NFIB: variants seen among roughly 807,000 people sequenced by gnomAD.
NFIB encodes the protein nuclear factor I B.
In NFIB, 11 loss-of-function variants were observed where a neutral mutation model predicts 61.5. The ratio of observed to expected loss-of-function variants is 0.18; its 90% CI spans 0.11 to 0.30. The LOEUF is 0.30. Ranked by LOEUF, NFIB falls within the 10% of genes least tolerant of loss-of-function variation. The pLI is 1.00. For synonymous variants in NFIB, 260 were observed against 216.5 expected, an observed-to-expected ratio of 1.20 and a Z score of -1.76; for missense variants, 471 against 608.9, an observed-to-expected ratio of 0.77 and a Z score of 2.38.
chr9:14,442,069 A>G, the NFIB span, among the ~76,000 whole-genome samples: 1 of 152,192 alleles, frequency 6.6e-6, no homozygotes, highest in Non-Finnish European at 1.5e-5. Context: ...TCATCATACC[A>G]AGGTGCAGAG....
chr9:14,330,032 C>G (rs2060803141), intron 1 of NFIB, among the ~76,000 whole-genome samples: 1 of 151,954 alleles, frequency 6.6e-6, no homozygotes. Context: ...GAAGCTGAGG[C>G]AGGAGAATCA....
At chr9:14,497,808 A>T in the NFIB span, among the ~76,000 whole-genome samples, 1 of 152,216 alleles carries the variant, frequency 6.6e-6, no homozygotes, top group Admixed American at 6.5e-5. Flanking sequence ...GCTTGCAGGA[A>T]GAGTGAGGGT....
the NFIB span, among the ~76,000 whole-genome samples, chr9:14,512,103 G>T: frequency 6.6e-6 from 1 of 152,146 alleles, no homozygotes; most frequent in Admixed American, 6.6e-5. Flanking sequence ...TTACTATTGT[G>T]AATGGAATTC....
Position 14,286,187 on chromosome 9 carries a change from T to G in NFIB, c.562+20802A>C, listed in dbSNP as rs138761888. Among the ~76,000 whole-genome samples the G allele has an allele frequency of 3.2e-4, 49 of 152,318 alleles. 2 individuals are homozygous for G. The East Asian group carries it at 9.5e-3, about 29-fold the overall frequency. On this transcript the variant is annotated intron_variant, in intron 2 of 10. Coordinates refer to ENST00000380953, the MANE Select transcript of NFIB (RefSeq NM_001190737.2). The stretch of plus-strand genomic sequence containing the variant: ...TTCTATTATTCTTTAATTTGTTCCA[T>G]TAAGTGCAATCATCTTCAGGAAGCC...
chr9:14,531,687 T>TTA, the NFIB span, among the ~76,000 whole-genome samples: 5 of 144,458 alleles, frequency 3.5e-5, no homozygotes, highest in Non-Finnish European at 6.0e-5. Context: ...CATTTTTCTT[T>TTA]AAAAAAAAAA....
chr9:14,138,378 T>C (rs1047484052), intron 6 of NFIB, among the ~76,000 whole-genome samples: 1 of 152,100 alleles, frequency 6.6e-6, no homozygotes, highest in African/African-American at 2.4e-5. Context: ...ATAATCAGTG[T>C]AGGCTAAAAA....
chr9:14,162,436 T>A (rs2044309881), intron 3 of NFIB, among the ~76,000 whole-genome samples: 1 of 152,132 alleles, frequency 6.6e-6, no homozygotes, highest in East Asian at 1.9e-4. Context: ...GATTTAATTA[T>A]CTTTGCTCAT....
At position 14,140,162 on chromosome 9, in the gene NFIB, C is replaced by A. The variant is rs181724648; in HGVS notation, c.925+6527G>T. 2.4e-4 allele frequency among the ~76,000 whole-genome samples: 37 copies of A among 152,274 alleles called. No homozygotes were observed. In the East Asian group the frequency reaches 7.1e-3, roughly 29 times the overall value. ...AGGAATATAAGGAATTGTTGGTGTT[C>A]TATTTGGTCCCCAAAGAGAACTTTA... On this transcript the variant is annotated intron_variant, in intron 6 of 10. Coordinates refer to ENST00000380953, the MANE Select transcript of NFIB (RefSeq NM_001190737.2).
intron 1 of NFIB, among the ~76,000 whole-genome samples, chr9:14,348,102 A>T (rs972076641): frequency 3.3e-5 from 5 of 152,166 alleles, no homozygotes; most frequent in African/African-American, 1.2e-4. Context: ...TTCTCCCTGC[A>T]CCCTGGGAAG....
chr9:14,348,919 CTCCTGGCGGCT>C (rs1469416926), intron 1 of NFIB, among the ~76,000 whole-genome samples: 2 of 152,256 alleles, frequency 1.3e-5, no homozygotes, highest in Non-Finnish European at 2.9e-5. Flanking sequence ...ACAAAAAAAC[CTCCTGGCGGCT>C]TCCTGGGCTC....
the NFIB span, among the ~76,000 whole-genome samples, chr9:14,509,134 G>T: frequency 6.6e-6 from 1 of 152,188 alleles, no homozygotes; most frequent in East Asian, 1.9e-4. Flanking sequence ...ACTGATGTTG[G>T]TGGTGACATT....
the NFIB span, among the ~76,000 whole-genome samples, chr9:14,519,763 C>T: frequency 6.6e-6 from 1 of 152,172 alleles, no homozygotes; most frequent in South Asian, 2.1e-4. Flanking sequence ...CCCCACAAAA[C>T]AGCTGAGGAA....
intron 9 of NFIB, among the ~76,000 whole-genome samples, chr9:14,114,607 A>G (rs1344330731): frequency 6.6e-6 from 1 of 152,188 alleles, no homozygotes; most frequent in Non-Finnish European, 1.5e-5. Context: ...AATATTTTGT[A>G]ATTTTACTAG....
the NFIB span, among the ~76,000 whole-genome samples, chr9:14,446,758 T>C: frequency 1.2e-4 from 19 of 152,192 alleles, no homozygotes; most frequent in East Asian, 1.9e-3. Flanking sequence ...TATGTAATTT[T>C]AAAGACATCA....
chr9:14,174,899 G>A (rs367789138), intron 3 of NFIB, among the ~76,000 whole-genome samples: 4 of 152,026 alleles, frequency 2.6e-5, no homozygotes, highest in African/African-American at 7.2e-5. Flanking sequence ...GGACCTATGC[G>A]AATTTATCTG....
At chr9:14,320,476 T>G (rs1269491705) in intron 1 of NFIB, among the ~76,000 whole-genome samples, 1 of 152,218 alleles carries the variant, frequency 6.6e-6, no homozygotes, top group African/African-American at 2.4e-5. Flanking sequence ...TAGAGCTTTC[T>G]CCATCTCTCA....
chr9:14,212,329 T>C (rs1043050671), intron 2 of NFIB, among the ~76,000 whole-genome samples: 1 of 152,378 alleles, frequency 6.6e-6, no homozygotes, highest in Non-Finnish European at 1.5e-5. Context: ...CATGCACTTT[T>C]GTTGCTTTCC....
the NFIB span, among the ~76,000 whole-genome samples, chr9:14,526,222 A>G: frequency 2.0e-5 from 3 of 152,194 alleles, no homozygotes; most frequent in African/African-American, 4.8e-5. Context: ...GAATAAAGTC[A>G]TATTTTTAGG....
chr9:14,200,485 C>A (rs764006744), intron 2 of NFIB, among the ~76,000 whole-genome samples: 1 of 152,180 alleles, frequency 6.6e-6, no homozygotes, highest in Admixed American at 6.5e-5. Context: ...CTCTCAGGAT[C>A]GGTAAGTCTA....
Sources: gnomAD v4.1 joint callset for allele counts (sites outside exome capture counted in the v4.1 genomes callset) on GRCh38, gnomAD v4.1.1 for gene constraint, MANE v1.5 for transcripts, NCBI Gene and HGNC (gene_info 2026-07-23, HGNC 2026-07-21) for gene names.